Variants in PLA2G2C observed in about 807,000 individuals in gnomAD.
The protein encoded by PLA2G2C is phospholipase A2 group IIC, also known as putative inactive group IIC secretory phospholipase A2.
A neutral mutation model predicts 14.3 loss-of-function variants in PLA2G2C; 15 were observed. The ratio of observed to expected loss-of-function variants is 1.05; its 90% CI spans 0.70 to 1.62. The LOEUF (loss-of-function observed/expected upper bound fraction) is 1.62, where lower values mean the gene tolerates loss of function less well. PLA2G2C is among the 40% of genes most tolerant of loss of function. The pLI, the probability that PLA2G2C is intolerant of heterozygous loss-of-function variation, is 0.00. For synonymous variants in PLA2G2C, 79 were observed against 67.7 expected, an observed-to-expected ratio of 1.17 and a Z score of -0.82; for missense variants, 162 against 173.2, an observed-to-expected ratio of 0.94 and a Z score of 0.36.
At chr1:20,166,595 C>A (rs1569923478) in intron 4 of PLA2G2C, among the ~76,000 whole-genome samples, 1 of 152,356 alleles carries the variant, frequency 6.6e-6, no homozygotes, top group Non-Finnish European at 1.5e-5. Context: ...TTCTCACCTT[C>A]CTCAGCCACC....
intron 1 of PLA2G2C, among the ~76,000 whole-genome samples, chr1:20,182,956 C>T (rs902369736): frequency 6.6e-6 from 1 of 152,216 alleles, no homozygotes; most frequent in South Asian, 2.1e-4. Context: ...CTTGCTGGAT[C>T]GCTCAGTGGA....
intron 1 of PLA2G2C, among the ~76,000 whole-genome samples, chr1:20,181,260 A>G (rs894176322): frequency 2.6e-5 from 4 of 152,170 alleles, no homozygotes; most frequent in South Asian, 2.1e-4. Context: ...GAGTGTTAAG[A>G]GTCTTATCAT....
intron 1 of PLA2G2C, among the ~76,000 whole-genome samples, chr1:20,184,883 G>A (rs1359759241): frequency 1.3e-5 from 2 of 152,168 alleles, no homozygotes; most frequent in African/African-American, 2.4e-5. Context: ...GCTGGGCGAG[G>A]TGGCTCATGT....
intron 4 of PLA2G2C, 102 bp downstream of exon 4, chr1:20,172,692 G>T: frequency 9.7e-7 from 1 of 1,026,248 alleles, no homozygotes; most frequent in Non-Finnish European, 1.4e-6. Context: ...CCAAGCACTT[G>T]GAAGCATTTC....
chr1:20,172,907 G>A lies in PLA2G2C; in HGVS notation c.180-10C>T. 6.2e-7 allele frequency: 1 copy of A among 1,607,038 alleles called. No individual in the cohort carries two copies. Among genetic ancestry groups the A allele is most frequent in the Non-Finnish European group, 8.5e-7 (1 of 1,174,180 alleles). On this transcript the variant is annotated splice_polypyrimidine_tract_variant and intron_variant, in intron 3 of 4. Coordinates refer to ENST00000679259, the MANE Select transcript of PLA2G2C (RefSeq NM_001367969.2). ...AGATGAGGGGCTGTGCCTGGAAGTG[G>A]GTCCCTCAGGAATCTGCTGGAGGAC...
chr1:20,172,767 C>G, intron 4 of PLA2G2C, 27 bp downstream of exon 4: 1 of 1,583,444 alleles, frequency 6.3e-7, no homozygotes, highest in South Asian at 1.1e-5. Flanking sequence ...GGTTAAAAGA[C>G]ATTTCCATAC....
chr1:20,177,216 C>T (rs1233863626), intron 2 of PLA2G2C, 108 bp downstream of exon 2: 10 of 695,288 alleles, frequency 1.4e-5, no homozygotes, highest in Non-Finnish European at 2.3e-5. Flanking sequence ...TTCTTTTCTG[C>T]GGGACTTGTG....
At chr1:20,184,362 A>G (rs1002152818) in intron 1 of PLA2G2C, 1 of 152,246 alleles carries the variant, frequency 6.6e-6, no homozygotes, top group African/African-American at 2.4e-5. Context: ...GACACTTTTG[A>G]CAGAATCATT....
intron 1 of PLA2G2C, among the ~76,000 whole-genome samples, chr1:20,182,853 G>A (rs1430490481): frequency 5.9e-5 from 9 of 152,208 alleles, no homozygotes; most frequent in South Asian, 2.1e-4. Context: ...GGGACAAGCC[G>A]CTAAGAAACC....
At chr1:20,169,610 G>T (rs932579277) in intron 4 of PLA2G2C, among the ~76,000 whole-genome samples, 2 of 152,166 alleles carry the variant, frequency 1.3e-5, no homozygotes, top group South Asian at 4.1e-4. Context: ...AGAAAACTTG[G>T]ACAAAAAGAG....
chr1:20,180,274 C>A (rs2018261815), intron 1 of PLA2G2C, among the ~76,000 whole-genome samples: 1 of 152,198 alleles, frequency 6.6e-6, no homozygotes, highest in African/African-American at 2.4e-5. Context: ...GAATGATAAG[C>A]ACTGCTCCAG....
chr1:20,165,831 G>A (rs112630926), intron 4 of PLA2G2C, among the ~76,000 whole-genome samples: 44 of 152,228 alleles, frequency 2.9e-4, no homozygotes, highest in Admixed American at 6.5e-4. Flanking sequence ...GTGTGCGCGC[G>A]CGCATGTGTG....
intron 1 of PLA2G2C, among the ~76,000 whole-genome samples, chr1:20,177,888 C>G (rs1013325441): frequency 2.0e-5 from 3 of 152,180 alleles, no homozygotes; most frequent in Admixed American, 2.0e-4. Flanking sequence ...GGTTTCTTCT[C>G]TTGCAGAGTG....
At chr1:20,177,089 A>G (rs1482690780) in intron 2 of PLA2G2C, among the ~76,000 whole-genome samples, 2 of 152,136 alleles carry the variant, frequency 1.3e-5, no homozygotes, top group Non-Finnish European at 2.9e-5. Flanking sequence ...TTTCTAGCAA[A>G]TGGTTGGCAA....
chr1:20,183,712 G>A (rs929608506), intron 1 of PLA2G2C, among the ~76,000 whole-genome samples: 2 of 152,212 alleles, frequency 1.3e-5, no homozygotes, highest in African/African-American at 2.4e-5. Flanking sequence ...GGGCCTTGAA[G>A]GATCAGTCAT....
intron 4 of PLA2G2C, among the ~76,000 whole-genome samples, chr1:20,164,778 C>T (rs547229299): frequency 6.6e-6 from 1 of 152,378 alleles, no homozygotes; most frequent in East Asian, 1.9e-4. Flanking sequence ...AGGAGCCGAC[C>T]TCGCTGCCCC....
intron 4 of PLA2G2C, among the ~76,000 whole-genome samples, chr1:20,170,065 C>T (rs1036707264): frequency 6.6e-6 from 1 of 152,222 alleles, no homozygotes; most frequent in African/African-American, 2.4e-5. Context: ...TGGCCTTGGC[C>T]ATCGTGCTTA....
intron 2 of PLA2G2C, among the ~76,000 whole-genome samples, chr1:20,176,080 T>C (rs2018178280): frequency 2.0e-5 from 3 of 152,108 alleles, no homozygotes; most frequent in Admixed American, 2.0e-4. Context: ...TGACTAATTT[T>C]TTGTATTTTT....
intron 3 of PLA2G2C, 146 bp downstream of exon 3, chr1:20,174,861 C>T: frequency 1.1e-6 from 1 of 877,940 alleles, no homozygotes; most frequent in East Asian, 2.8e-5. Flanking sequence ...GACCCATCCT[C>T]CAAATCCCGT....
Sources: allele counts gnomAD v4.1 joint callset (sites outside exome capture counted in the v4.1 genomes callset), GRCh38; gene constraint gnomAD v4.1.1; transcripts MANE v1.5; gene names NCBI Gene and HGNC (gene_info 2026-07-23, HGNC 2026-07-21).